Variants in LRRTM3 observed in about 807,000 individuals in gnomAD.
The protein encoded by LRRTM3 is leucine-rich repeat transmembrane neuronal protein 3.
LRRTM3 carries 24 observed loss-of-function variants against 44.7 expected under a neutral mutation model. The ratio of observed to expected loss-of-function variants is 0.54; its 90% CI spans 0.39 to 0.76. The LOEUF (loss-of-function observed/expected upper bound fraction) is 0.76, where lower values mean the gene tolerates loss of function less well. Ranked by LOEUF, LRRTM3 falls within the 30% of genes least tolerant of loss-of-function variation. LRRTM3 has a pLI of 0.00. For missense variants in LRRTM3, 587 were observed against 702.2 expected (o/e 0.84, Z 1.85); for synonymous variants, 277 against 278.7 (o/e 0.99, Z 0.06).
At chr10:66,992,740 GAAGC>G (rs899219393) in intron 2 of LRRTM3, among the ~76,000 whole-genome samples, 2 of 151,890 alleles carry the variant, frequency 1.3e-5, no homozygotes, top group African/African-American at 2.4e-5. Flanking sequence ...TTCATAATGT[GAAGC>G]AAGAATCTAA....
chr10:66,997,034 A>T (rs1159857814), intron 2 of LRRTM3, among the ~76,000 whole-genome samples: 1 of 152,208 alleles, frequency 6.6e-6, no homozygotes, highest in Non-Finnish European at 1.5e-5. Flanking sequence ...GCAGTTATAG[A>T]TCTGTTTATA....
intron 2 of LRRTM3, among the ~76,000 whole-genome samples, chr10:67,051,118 A>T (rs998247881): frequency 2.6e-5 from 4 of 152,242 alleles, no homozygotes; most frequent in Non-Finnish European, 5.9e-5. Flanking sequence ...AGATACAAGC[A>T]ATGCCACAAA....
chr10:67,084,664 T>A (rs1412900228), intron 2 of LRRTM3, among the ~76,000 whole-genome samples: 1 of 151,896 alleles, frequency 6.6e-6, no homozygotes, highest in East Asian at 1.9e-4. Flanking sequence ...CTTTGATAAC[T>A]TTTATAATGG....
chr10:67,087,675 T>A (rs1589720548), intron 2 of LRRTM3, among the ~76,000 whole-genome samples: 2 of 152,098 alleles, frequency 1.3e-5, no homozygotes, highest in South Asian at 4.1e-4. Flanking sequence ...GCTCACTCAT[T>A]TTAGCCCTCT....
rs1858108849 is a variant in LRRTM3, at chr10:67,097,904, C to T, written c.*108C>T. 4.3e-6 allele frequency: 4 copies of T among 938,354 alleles called. No homozygotes were observed. The East Asian group carries it at 1.0e-4, about 24-fold the overall frequency. 58.1% of individuals were successfully genotyped at this position (938,354 alleles called of 1,614,324 possible). ...CTAAAAACAAAACAAAACACAAAAT[C>T]CCCTGTTCAAATAAACAAAAAATCC... On this transcript the variant is annotated 3_prime_UTR_variant, in exon 3 of 3. Coordinates refer to ENST00000361320, the MANE Select transcript of LRRTM3 (RefSeq NM_178011.5).
At chr10:67,049,586 T>C (rs1276681397) in intron 2 of LRRTM3, among the ~76,000 whole-genome samples, 3 of 152,100 alleles carry the variant, frequency 2.0e-5, no homozygotes, top group Non-Finnish European at 4.4e-5. Context: ...TGCTTTGTGT[T>C]TAACTTGAAC....
At chr10:66,986,230 G>C (rs1850721581) in intron 2 of LRRTM3, among the ~76,000 whole-genome samples, 1 of 152,098 alleles carries the variant, frequency 6.6e-6, no homozygotes, top group African/African-American at 2.4e-5. Flanking sequence ...GGGCATGGTG[G>C]CTCGTACCTG....
At chr10:67,083,698 A>C (rs568923043) in intron 2 of LRRTM3, among the ~76,000 whole-genome samples, 2 of 152,268 alleles carry the variant, frequency 1.3e-5, no homozygotes, top group African/African-American at 4.8e-5. Flanking sequence ...TAATACATAT[A>C]TGTCTCAGTT....
At chr10:66,978,079 C>T (rs1850163223) in intron 2 of LRRTM3, among the ~76,000 whole-genome samples, 1 of 151,730 alleles carries the variant, frequency 6.6e-6, no homozygotes, top group African/African-American at 2.4e-5. Context: ...CACACACACA[C>T]ACACACACAC....
intron 2 of LRRTM3, among the ~76,000 whole-genome samples, chr10:66,964,779 G>A (rs563255022): frequency 4.4e-4 from 67 of 152,234 alleles, no homozygotes; most frequent in African/African-American, 1.5e-3. Flanking sequence ...GAAAAGGGAG[G>A]AGATAAAGCA....
At chr10:67,086,640 C>T (rs539081693) in intron 2 of LRRTM3, among the ~76,000 whole-genome samples, 19 of 152,046 alleles carry the variant, frequency 1.2e-4, no homozygotes, top group Admixed American at 1.1e-3. Flanking sequence ...AGTTGGAAAG[C>T]AAGTGGGCTA....
intron 2 of LRRTM3, among the ~76,000 whole-genome samples, chr10:67,024,221 A>G (rs1853207190): frequency 6.6e-6 from 1 of 152,160 alleles, no homozygotes; most frequent in African/African-American, 2.4e-5. Flanking sequence ...AAAGCCAGCA[A>G]TGTGGCATCT....
chr10:67,021,268 T>C (rs1460694278), intron 2 of LRRTM3, among the ~76,000 whole-genome samples: 1 of 152,132 alleles, frequency 6.6e-6, no homozygotes, highest in African/African-American at 2.4e-5. Flanking sequence ...ATACAGAATA[T>C]AGTACCATTT....
At chr10:66,943,540 A>G (rs2132691007) in intron 2 of LRRTM3, among the ~76,000 whole-genome samples, 1 of 149,094 alleles carries the variant, frequency 6.7e-6, no homozygotes, top group Non-Finnish European at 1.5e-5. Flanking sequence ...TTTCAGTATT[A>G]GCATTGGCTT....
At chr10:66,995,462 C>T (rs1851275229) in intron 2 of LRRTM3, among the ~76,000 whole-genome samples, 1 of 152,170 alleles carries the variant, frequency 6.6e-6, no homozygotes, top group Admixed American at 6.5e-5. Flanking sequence ...TCTTTTAATC[C>T]ATTCTCCAAA....
intron 2 of LRRTM3, among the ~76,000 whole-genome samples, chr10:67,078,341 A>G (rs976778703): frequency 6.6e-6 from 1 of 152,184 alleles, no homozygotes; most frequent in Non-Finnish European, 1.5e-5. Context: ...CTAAAGCACA[A>G]TTGCTCTAAA....
chr10:67,073,428 C>G, intron 2 of LRRTM3, among the ~76,000 whole-genome samples: 1 of 151,906 alleles, frequency 6.6e-6, no homozygotes, highest in Non-Finnish European at 1.5e-5. Context: ...GTCTAAATAT[C>G]ACCAAATTCT....
chr10:66,953,581 GT>G (rs1554885541), intron 2 of LRRTM3, among the ~76,000 whole-genome samples: 2 of 151,778 alleles, frequency 1.3e-5, no homozygotes, highest in African/African-American at 2.4e-5. Flanking sequence ...CATGGGTTTT[GT>G]TTTTTTCTAA....
intron 2 of LRRTM3, among the ~76,000 whole-genome samples, chr10:67,081,388 T>A (rs1857050696): frequency 1.3e-5 from 2 of 152,200 alleles, no homozygotes. Flanking sequence ...ATTGAGAACT[T>A]ACTATTTCAG....
Sources: allele counts gnomAD v4.1 joint callset (sites outside exome capture counted in the v4.1 genomes callset), GRCh38; gene constraint gnomAD v4.1.1; transcripts MANE v1.5; gene names NCBI Gene and HGNC (gene_info 2026-07-23, HGNC 2026-07-21).